AXIN1: variants seen among roughly 807,000 people sequenced by gnomAD.
AXIN1 encodes the protein axin 1, also known as axin-1.
A neutral mutation model predicts 76.4 loss-of-function variants in AXIN1; 30 were observed. That is an observed-to-expected ratio of 0.39 (90% confidence interval 0.29 to 0.53). AXIN1 has a LOEUF of 0.53. Among genes scored for constraint, AXIN1 ranks in the 20% least tolerant of loss-of-function variants. AXIN1 has a pLI of 0.66. For missense variants in AXIN1, 1,140 were observed against 1,198.8 expected, an observed-to-expected ratio of 0.95 and a Z score of 0.72; for synonymous variants, 545 against 501.4, an observed-to-expected ratio of 1.09 and a Z score of -1.16.
intron 2 of AXIN1, among the ~76,000 whole-genome samples, chr16:318,790 T>A (rs1158203465): frequency 6.6e-6 from 1 of 152,184 alleles, no homozygotes; most frequent in Non-Finnish European, 1.5e-5. Context: ...CACCTACACC[T>A]GCACTTCTCA....
intron 2 of AXIN1, among the ~76,000 whole-genome samples, chr16:335,442 A>G (rs1040273753): frequency 1.3e-5 from 2 of 152,044 alleles, no homozygotes; most frequent in Non-Finnish European, 2.9e-5. Context: ...CGGCACACTA[A>G]TTACACAGCA....
At chr16:316,499 G>A (rs1184550217) in intron 2 of AXIN1, among the ~76,000 whole-genome samples, 1 of 152,256 alleles carries the variant, frequency 6.6e-6, no homozygotes, top group African/African-American at 2.4e-5. Flanking sequence ...AGTGTGCCCT[G>A]AGGCTGCCCC....
Position 289,749 on chromosome 16 carries a change from A to T in AXIN1, c.2295-142T>A, listed in dbSNP as rs183375246. 120 of 998,406 alleles carry T rather than the reference A, an allele frequency of 1.2e-4. No individual in the cohort carries two copies. In the African/African-American group the frequency reaches 1.6e-3, roughly 13 times the overall value. The allele number at this position is 998,406 out of a possible 1,614,324, so 61.8% of individuals were successfully genotyped here. On this transcript the variant is annotated intron_variant, in intron 9 of 10. Coordinates refer to ENST00000262320, the MANE Select transcript of AXIN1 (RefSeq NM_003502.4). ...CCCCATTCAAACACCTGGGGCCCGC[A>T]GCCCCCGCACAGCATCTCAATCTGG...
intron 8 of AXIN1, chr16:292,184 G>C (rs1051626845): frequency 6.6e-6 from 1 of 152,412 alleles, no homozygotes; most frequent in Non-Finnish European, 1.5e-5. Context: ...TGCTGCACAC[G>C]ATGCCCACCA....
Position 298,215 on chromosome 16 carries a change from GC to G in AXIN1, c.1290del (p.Pro432GlnfsTer48). ...EEGEDGDPSSGPPGPCHKLPP... is the reference protein window; with the variant it reads ...EEGEDGDPSSXPPGPCHKLPP... Reference sequence around the variant, plus strand: ...GGCAGCTTGTGACACGGCCCTGGGGGCCCTGACGATGGATCGCCGTCCTCAC... The same window carrying G: ...GGCAGCTTGTGACACGGCCCTGGGGGCCTGACGATGGATCGCCGTCCTCAC... On this transcript the variant is annotated frameshift_variant, in exon 6 of 11. Coordinates refer to ENST00000262320, the MANE Select transcript of AXIN1 (RefSeq NM_003502.4). LOFTEE classifies it high-confidence loss of function. 1 of 1,540,824 alleles carries G rather than the reference GC, an allele frequency of 6.5e-7. No homozygotes were observed.
chr16:288,518 G>C (rs755042309), intron 10 of AXIN1, among the ~76,000 whole-genome samples: 1 of 152,272 alleles, frequency 6.6e-6, no homozygotes, highest in South Asian at 2.1e-4. Context: ...CCTCTCAGGA[G>C]TTGCAGGGGG....
At chr16:295,724 G>C (rs935903995) in intron 7 of AXIN1, among the ~76,000 whole-genome samples, 3 of 152,132 alleles carry the variant, frequency 2.0e-5, no homozygotes, top group African/African-American at 7.2e-5. Flanking sequence ...CACTCCAGGA[G>C]GCCGAGGCAG....
intron 8 of AXIN1, 95 bp from the exon 9 acceptor site, chr16:291,392 G>T (rs949799281): frequency 2.7e-6 from 3 of 1,092,680 alleles, no homozygotes; most frequent in East Asian, 5.2e-5. Flanking sequence ...GACGGACGGA[G>T]CGTGAAGGGC....
intron 4 of AXIN1, among the ~76,000 whole-genome samples, chr16:306,861 G>A (rs777605675): frequency 3.3e-5 from 5 of 152,216 alleles, no homozygotes; most frequent in African/African-American, 7.2e-5. Context: ...AGATGATGAG[G>A]AAGGCTGGGG....
In AXIN1 at chr16:352,610, C is replaced by T. The variant is rs1035846538; in HGVS notation, c.-323G>A. On this transcript the variant is annotated 5_prime_UTR_variant, in exon 1 of 11. Coordinates refer to ENST00000262320, the MANE Select transcript of AXIN1 (RefSeq NM_003502.4). ...CGCTCCGCGTGGACGCGGCTCCGGG[C>T]CGACTCCGGCCGGCTCTGGCGGCGG... is the stretch of plus-strand genomic sequence containing the variant. The T allele has an allele frequency of 2.0e-3, 325 of 163,284 alleles. No individual in the cohort carries two copies. The highest frequency in any genetic ancestry group is 3.3e-3 in the Non-Finnish European group (263 of 79,258). The allele number at this position is 163,284 out of a possible 1,614,324, so 10.1% of individuals were successfully genotyped here.
chr16:332,567 C>G (rs2053715638), intron 2 of AXIN1, among the ~76,000 whole-genome samples: 1 of 148,022 alleles, frequency 6.8e-6, no homozygotes, highest in Admixed American at 6.8e-5. Context: ...AAGAGCGAGA[C>G]TCCTTCTCAA....
chr16:302,590 C>T (rs2052902519), intron 5 of AXIN1, among the ~76,000 whole-genome samples: 5 of 152,160 alleles, frequency 3.3e-5, no homozygotes. Context: ...CCCAGATGGG[C>T]ACCACCAGCG....
intron 2 of AXIN1, among the ~76,000 whole-genome samples, chr16:318,935 G>T (rs895160351): frequency 1.1e-4 from 8 of 72,568 alleles, no homozygotes; most frequent in Non-Finnish European, 1.8e-4. Flanking sequence ...ACCCCTGGCT[G>T]TGTGTGGAGA....
intron 2 of AXIN1, among the ~76,000 whole-genome samples, chr16:342,203 C>T (rs534674923): frequency 5.9e-5 from 9 of 152,302 alleles, no homozygotes; most frequent in Middle Eastern, 3.4e-3. Flanking sequence ...CCGCGAAGAT[C>T]TGCAGCTTCA....
intron 1 of AXIN1, among the ~76,000 whole-genome samples, chr16:350,992 T>G (rs1334289982): frequency 6.6e-6 from 1 of 152,080 alleles, no homozygotes; most frequent in Non-Finnish European, 1.5e-5. Context: ...TTAGTCAGGC[T>G]TGGTGGCGCA....
In AXIN1 at chr16:297,823, G is replaced by A. The variant is rs1353509309; in HGVS notation, c.1683C>T (p.Ser561=). 3.2e-6 allele frequency: 5 copies of A among 1,568,268 alleles called. No homozygotes were observed. In the East Asian group the frequency reaches 1.1e-4, roughly 35 times the overall value. The change falls in exon 6 of 11, where the codon AGC becomes AGT. Residue 561 remains serine (S), a synonymous_variant. Coordinates refer to ENST00000262320, the MANE Select transcript of AXIN1 (RefSeq NM_003502.4). ...TGTGTGGTTCCAGGCCCCAGGCGAA[G>A]CTGCTCTGGGCCCTGCGGGTGGCCT... ...EAEATRRAQS[S]FAWGLEPHSH...
intron 9 of AXIN1, 83 bp from the exon 10 acceptor site, chr16:289,690 G>T (rs1050274749): frequency 7.0e-6 from 11 of 1,565,066 alleles, no homozygotes; most frequent in Non-Finnish European, 9.5e-6. Flanking sequence ...GGCTGCCAGT[G>T]TAAGGCGGGG....
chr16:299,793 C>A (rs1405407984), intron 5 of AXIN1, among the ~76,000 whole-genome samples: 2 of 151,568 alleles, frequency 1.3e-5, no homozygotes, highest in African/African-American at 4.9e-5. Flanking sequence ...GTAGCTGGGA[C>A]TACAGGTGCC....
At chr16:297,354 G>T in intron 6 of AXIN1, 128 bp from the exon 7 acceptor site, 2 of 1,252,460 alleles carry the variant, frequency 1.6e-6, no homozygotes, top group Non-Finnish European at 2.2e-6. Context: ...GCTGTCCCCT[G>T]CCCGCTTGTC....
Sources: gnomAD v4.1 joint callset for allele counts (sites outside exome capture counted in the v4.1 genomes callset) on GRCh38, gnomAD v4.1.1 for gene constraint, MANE v1.5 for transcripts, NCBI Gene and HGNC (gene_info 2026-07-23, HGNC 2026-07-21) for gene names.